Variants in DNAJA1 observed in about 807,000 individuals in gnomAD.
DNAJA1 encodes the protein dnaJ homolog subfamily A member 1.
Under a neutral mutation model 47.6 loss-of-function variants are expected in DNAJA1, and 26 were observed. The ratio of observed to expected loss-of-function variants is 0.55; its 90% CI spans 0.40 to 0.76. The LOEUF (loss-of-function observed/expected upper bound fraction) is 0.76. DNAJA1 is among the 30% of genes least tolerant of loss of function. The pLI is 0.00. For synonymous variants in DNAJA1, 165 were observed against 158.4 expected, an observed-to-expected ratio of 1.04 and a Z score of -0.31; for missense variants, 315 against 485.0, an observed-to-expected ratio of 0.65 and a Z score of 3.29.
intron 4 of DNAJA1, 145 bp from the exon 5 acceptor site, chr9:33,030,295 C>T: frequency 6.8e-6 from 5 of 739,762 alleles, no homozygotes; most frequent in Non-Finnish European, 1.1e-5. Flanking sequence ...TTGGAATGAT[C>T]TCATCAGTTG....
At chr9:33,031,513 C>T (rs1439642937) in intron 5 of DNAJA1, among the ~76,000 whole-genome samples, 1 of 152,058 alleles carries the variant, frequency 6.6e-6, no homozygotes, top group East Asian at 1.9e-4. Flanking sequence ...CTCACTCTAA[C>T]CTCTGCCTCC....
intron 5 of DNAJA1, 50 bp from the exon 6 acceptor site, chr9:33,034,166 A>T (rs777190698): frequency 1.6e-6 from 2 of 1,276,894 alleles, no homozygotes; most frequent in Admixed American, 4.9e-5. Flanking sequence ...TATGATTCTG[A>T]CCTTAGTTGG....
At chr9:33,030,292 G>T in intron 4 of DNAJA1, 148 bp from the exon 5 acceptor site, 1 of 736,402 alleles carries the variant, frequency 1.4e-6, no homozygotes. Flanking sequence ...TCATTGGAAT[G>T]ATCTCATCAG....
chr9:33,027,487 T>A (rs1272822258), intron 3 of DNAJA1, among the ~76,000 whole-genome samples: 1 of 151,946 alleles, frequency 6.6e-6, no homozygotes, highest in East Asian at 1.9e-4. Context: ...AAATGAGATT[T>A]AAGGGGCCTA....
In DNAJA1 at chr9:33,029,967, T is replaced by C. The variant is rs1415857276; in HGVS notation, c.393T>C (p.Asn131=). The C allele has an allele frequency of 1.9e-6, 3 of 1,613,484 alleles. No homozygotes were observed. The highest frequency in any genetic ancestry group is 2.5e-6 in the Non-Finnish European group (3 of 1,179,866). Residue 131 remains asparagine, a synonymous_variant, in exon 4 of 9, where the codon AAT becomes AAC. Coordinates refer to ENST00000330899, the MANE Select transcript of DNAJA1 (RefSeq NM_001539.4). ...CAAGAAAACTGGCTCTGCAAAAGAA[T>C]GTGATTTGTGACAAATGTGAAGGTA... The part of the protein sequence containing the change: ...GATRKLALQK[N]VICDKCEGRG...
chr9:33,035,779 T>C (rs1482387932), intron 6 of DNAJA1, among the ~76,000 whole-genome samples: 1 of 152,088 alleles, frequency 6.6e-6, no homozygotes, highest in East Asian at 1.9e-4. Flanking sequence ...TAAAGATGTT[T>C]TATTAATGTG....
chr9:33,035,847 A>G (rs139032742), intron 6 of DNAJA1, among the ~76,000 whole-genome samples: 3 of 152,358 alleles, frequency 2.0e-5, no homozygotes, highest in East Asian at 1.9e-4. Flanking sequence ...AACGTTAAAT[A>G]TGAAAGGCTG....
At chr9:33,028,699 T>C (rs1220118599) in intron 3 of DNAJA1, among the ~76,000 whole-genome samples, 1 of 152,234 alleles carries the variant, frequency 6.6e-6, no homozygotes, top group Non-Finnish European at 1.5e-5. Flanking sequence ...CTCTTTTATG[T>C]GGCTTATGAT....
At position 33,036,567 on chromosome 9, in the gene DNAJA1, T is replaced by C; in HGVS notation, c.759-7T>C. Reference sequence around the variant, plus strand: ...AAAAATATAAATATGTGTCATATTTTATGCAGACGAGGAGAAGACCTTTTC... The same window carrying C: ...AAAAATATAAATATGTGTCATATTTCATGCAGACGAGGAGAAGACCTTTTC... On this transcript the variant is annotated splice_region_variant and splice_polypyrimidine_tract_variant and intron_variant, in intron 6 of 8. Coordinates refer to ENST00000330899, the MANE Select transcript of DNAJA1 (RefSeq NM_001539.4). 1 of 1,582,018 alleles carries C rather than the reference T, an allele frequency of 6.3e-7. No individual in the cohort carries two copies. Among genetic ancestry groups the C allele is most frequent in the East Asian group, 2.2e-5 (1 of 44,570 alleles).
chr9:33,033,365 A>AT (rs1197177129), intron 5 of DNAJA1, among the ~76,000 whole-genome samples: 2 of 151,954 alleles, frequency 1.3e-5, no homozygotes, highest in African/African-American at 4.8e-5. Context: ...CTCTCAAAGT[A>AT]TAATTACCCT....
At chr9:33,035,773 G>A (rs571972154) in intron 6 of DNAJA1, among the ~76,000 whole-genome samples, 2 of 152,120 alleles carry the variant, frequency 1.3e-5, no homozygotes, top group Admixed American at 1.3e-4. Context: ...CCAGCCTAAA[G>A]ATGTTTTATT....
chr9:33,033,474 G>T (rs1483718197), intron 5 of DNAJA1, among the ~76,000 whole-genome samples: 1 of 151,942 alleles, frequency 6.6e-6, no homozygotes, highest in Non-Finnish European at 1.5e-5. Flanking sequence ...GCCGAGGCAG[G>T]ATCCCTTGAG....
At position 33,037,998 on chromosome 9, in the gene DNAJA1, C is replaced by CT. The variant is rs74178843; in HGVS notation, c.976-671dup. On this transcript the variant is annotated intron_variant, in intron 8 of 8. Coordinates refer to ENST00000330899, the MANE Select transcript of DNAJA1 (RefSeq NM_001539.4). Reference sequence around the variant, plus strand: ...GTCACCATAAAAATATTAATTAAAACTTTTTTTTTTTTTTTTCCTTTTTGA... The same window carrying CT: ...GTCACCATAAAAATATTAATTAAAACTTTTTTTTTTTTTTTTTCCTTTTTGA... Among the ~76,000 whole-genome samples the CT allele has an allele frequency of 7.4e-3, 1,073 of 144,368 alleles. 5 individuals are homozygous for CT. Among genetic ancestry groups the CT allele is most frequent in the East Asian group, 0.014 (67 of 4,934 alleles). The allele number at this position is 144,368 out of a possible 152,430, so 94.7% of individuals were successfully genotyped here. A position where few individuals can be genotyped will look rare whatever the true frequency, so the allele number is the denominator to read the frequency against.
intron 5 of DNAJA1, among the ~76,000 whole-genome samples, chr9:33,032,787 C>T (rs1016963020): frequency 4.6e-5 from 7 of 152,016 alleles, no homozygotes; most frequent in Admixed American, 6.6e-5. Flanking sequence ...GAGGTACGTA[C>T]TGAAGTATTT....
At chr9:33,030,203 A>T (rs944292235) in intron 4 of DNAJA1, among the ~76,000 whole-genome samples, 3 of 152,056 alleles carry the variant, frequency 2.0e-5, no homozygotes, top group African/African-American at 7.2e-5. Flanking sequence ...TTTTAAATAC[A>T]GTTGGGATCA....
At chr9:33,037,180 T>A in intron 8 of DNAJA1, 65 bp downstream of exon 8, 1 of 1,473,234 alleles carries the variant, frequency 6.8e-7, no homozygotes, top group South Asian at 1.2e-5. Context: ...GATAAAAAAG[T>A]AAAATTTCAG....
rs181628022 is a variant in DNAJA1 at position 33,035,495 on chromosome 9, G to C, written c.759-1079G>C. Reference sequence around the variant, plus strand: ...ATTTATTTATTTTTTTTGAGATGCAGTTTCGCTCAACAGGCCCAGGCTGGA... The same window carrying C: ...ATTTATTTATTTTTTTTGAGATGCACTTTCGCTCAACAGGCCCAGGCTGGA... On this transcript the variant is annotated intron_variant, in intron 6 of 8. Transcript: ENST00000330899. 2.5e-3 allele frequency among the ~76,000 whole-genome samples: 378 copies of C among 152,122 alleles called. 1 individual carries two copies. Among genetic ancestry groups the C allele is most frequent in the African/African-American group, 8.8e-3 (366 of 41,508 alleles).
intron 8 of DNAJA1, 55 bp downstream of exon 8, chr9:33,037,170 G>C: frequency 6.5e-7 from 1 of 1,530,476 alleles, no homozygotes; most frequent in East Asian, 2.3e-5. Context: ...ACTAAAATCT[G>C]ATAAAAAAGT....
intron 8 of DNAJA1, among the ~76,000 whole-genome samples, chr9:33,038,376 G>A (rs1366444419): frequency 6.6e-6 from 1 of 152,196 alleles, no homozygotes; most frequent in Non-Finnish European, 1.5e-5. Context: ...GTCGTAAGAA[G>A]GGTTAGGCTG....
Sources: allele counts gnomAD v4.1 joint callset (sites outside exome capture counted in the v4.1 genomes callset), GRCh38; gene constraint gnomAD v4.1.1; transcripts MANE v1.5; gene names NCBI Gene and HGNC (gene_info 2026-07-23, HGNC 2026-07-21).